The following GPATCH1 variants were observed in gnomAD, a reference collection of about 807,000 sequenced individuals.
GPATCH1 encodes G-patch domain containing 1, also known as G patch domain-containing protein 1.
In GPATCH1, 73 loss-of-function variants were observed where a neutral mutation model predicts 114.9. That is an observed-to-expected ratio of 0.64 (90% confidence interval 0.53 to 0.77). The LOEUF (loss-of-function observed/expected upper bound fraction) is 0.77, where lower values mean the gene tolerates loss of function less well. GPATCH1 is among the 30% of genes least tolerant of loss of function. The probability of loss-of-function intolerance (pLI) is 0.00; values close to 1 mark genes in which losing one functional copy is unlikely to be tolerated. For missense variants in GPATCH1, 1,058 were observed against 1,144.3 expected (o/e 0.92, Z 1.09); for synonymous variants, 391 against 428.4 (o/e 0.91, Z 1.08).
At chr19:33,112,029 G>GCACA in intron 12 of GPATCH1, 127 bp downstream of exon 12, 1 of 661,122 alleles carries the variant, frequency 1.5e-6, no homozygotes, top group Non-Finnish European at 2.5e-6. Context: ...GCAGTGGTGT[G>GCACA]ATCTCGGCTC....
intron 1 of GPATCH1, among the ~76,000 whole-genome samples, chr19:33,087,095 G>T (rs1007356033): frequency 6.6e-6 from 1 of 152,068 alleles, no homozygotes; most frequent in African/African-American, 2.4e-5. Flanking sequence ...CTATTTTACA[G>T]ATAAGTAAAT....
chr19:33,081,743 G>C (rs2145294314), intron 1 of GPATCH1, among the ~76,000 whole-genome samples: 1 of 152,286 alleles, frequency 6.6e-6, no homozygotes, highest in East Asian at 1.9e-4. Context: ...CAGCGGGGGA[G>C]ACAGGTAGAA....
chr19:33,093,170 A>G (rs564276284), intron 3 of GPATCH1, among the ~76,000 whole-genome samples, 189 bp from the exon 4 acceptor site: 1 of 152,286 alleles, frequency 6.6e-6, no homozygotes, highest in African/African-American at 2.4e-5. Context: ...CCTGGGCAAC[A>G]AGAGAGAAAC....
At chr19:33,113,641 G>A (rs938647839) in intron 13 of GPATCH1, 126 bp from the exon 14 acceptor site, 7 of 704,500 alleles carry the variant, frequency 9.9e-6, no homozygotes, top group Non-Finnish European at 1.7e-5. Flanking sequence ...GCTTTGAGAA[G>A]TGAAAGCATC....
At position 33,110,113 on chromosome 19, in the gene GPATCH1, G is replaced by T. The variant is rs1323785457; in HGVS notation, c.1585+97G>T. ...CCCATATTTACAGTTGAGGTATCCT[G>T]TTCTGTCAGTGTTTTTGCTTTATCC... On this transcript the variant is annotated intron_variant, in intron 11 of 19. Transcript: ENST00000170564. 3.7e-6 allele frequency: 4 copies of T among 1,083,102 alleles called. No homozygotes were observed. In the East Asian group the frequency reaches 7.5e-5, roughly 20 times the overall value. The allele number at this position is 1,083,102 out of a possible 1,614,324, so 67.1% of individuals were successfully genotyped here.
chr19:33,111,477 G>A (rs567769707), intron 11 of GPATCH1, among the ~76,000 whole-genome samples: 2 of 151,594 alleles, frequency 1.3e-5, no homozygotes, highest in South Asian at 2.1e-4. Flanking sequence ...CACCCGCCTC[G>A]GCCTCCCAAA....
intron 17 of GPATCH1, 42 bp downstream of exon 17, chr19:33,119,159 G>T: frequency 1.8e-6 from 2 of 1,102,306 alleles, no homozygotes; most frequent in Non-Finnish European, 1.3e-6. Context: ...TTATCAGTGT[G>T]TGATTGCCCT....
chr19:33,127,465 G>A (rs577222188), intron 19 of GPATCH1, among the ~76,000 whole-genome samples: 7 of 150,270 alleles, frequency 4.7e-5, no homozygotes, highest in East Asian at 4.0e-4. Flanking sequence ...GCAGTGAGCC[G>A]AGATTGTGCC....
At chr19:33,110,626 C>T (rs1169563536) in intron 11 of GPATCH1, among the ~76,000 whole-genome samples, 1 of 151,208 alleles carries the variant, frequency 6.6e-6, no homozygotes, top group Non-Finnish European at 1.5e-5. Flanking sequence ...CTACTAAGAA[C>T]CTACATCACT....
chr19:33,093,818 C>T (rs1480608713), intron 4 of GPATCH1, among the ~76,000 whole-genome samples: 2 of 152,188 alleles, frequency 1.3e-5, no homozygotes, highest in African/African-American at 4.8e-5. Context: ...CCTCCTTCTA[C>T]CCTCACTTTC....
At chr19:33,082,576 G>A (rs1423001477) in intron 1 of GPATCH1, among the ~76,000 whole-genome samples, 3 of 152,144 alleles carry the variant, frequency 2.0e-5, no homozygotes, top group Non-Finnish European at 4.4e-5. Context: ...AGGCACAGTG[G>A]TTCACACCTG....
chr19:33,090,542 C>G (rs1972582596), intron 2 of GPATCH1, among the ~76,000 whole-genome samples: 1 of 152,080 alleles, frequency 6.6e-6, no homozygotes, highest in South Asian at 2.1e-4. Flanking sequence ...TTCTATATCT[C>G]TTGGTTTCAC....
chr19:33,109,923 T>A lies in GPATCH1; in HGVS notation c.1492T>A (p.Leu498Ile). Reference sequence around the variant, plus strand: ...GGCATTAGGTGGTGGGACGGCCACCTTAAAAGCCAGCAACTTCAAGCCTTT... The same window carrying A: ...GGCATTAGGTGGTGGGACGGCCACCATAAAAGCCAGCAACTTCAAGCCTTT... Reference protein sequence around the residue: ...NMALGGGTATLKASNFKPFAK... With the variant: ...NMALGGGTATIKASNFKPFAK... Residue 498 changes from leucine (L) to isoleucine (I), a missense_variant, in exon 11 of 20, where the codon TTA becomes ATA. Coordinates refer to ENST00000170564, the MANE Select transcript of GPATCH1 (RefSeq NM_018025.3). 6.2e-7 allele frequency: 1 copy of A among 1,614,178 alleles called. No individual in the cohort carries two copies. The highest frequency in any genetic ancestry group is 8.5e-7 in the Non-Finnish European group (1 of 1,180,026).
At chr19:33,094,607 G>GC (rs1972634768) in intron 5 of GPATCH1, among the ~76,000 whole-genome samples, 1 of 152,160 alleles carries the variant, frequency 6.6e-6, no homozygotes, top group Non-Finnish European at 1.5e-5. Flanking sequence ...GGCTTTTTAT[G>GC]TGTAATGCAT....
At chr19:33,088,501 G>T (rs1335030349) in intron 2 of GPATCH1, among the ~76,000 whole-genome samples, 4 of 150,882 alleles carry the variant, frequency 2.7e-5, no homozygotes, top group Non-Finnish European at 4.4e-5. Flanking sequence ...ATGCCACTAT[G>T]CCTGGCTAAT....
At chr19:33,107,686 G>A (rs539702737) in intron 10 of GPATCH1, among the ~76,000 whole-genome samples, 2 of 152,210 alleles carry the variant, frequency 1.3e-5, no homozygotes, top group South Asian at 4.1e-4. Flanking sequence ...GAACTCAATA[G>A]GTGTCTCGTA....
chr19:33,112,241 C>G lies in GPATCH1; in HGVS notation c.1765-245C>G, dbSNP rs575025208. Among the ~76,000 whole-genome samples the G allele has an allele frequency of 2.0e-5, 3 of 152,304 alleles. No homozygotes were observed. In the South Asian group the frequency reaches 6.2e-4, roughly 32 times the overall value. Reference sequence around the variant, plus strand: ...TCGGCCTCTCAAAGTACTAGGATTACAGGCATGAGCCACCATGCCCGGCCG... The same window carrying G: ...TCGGCCTCTCAAAGTACTAGGATTAGAGGCATGAGCCACCATGCCCGGCCG... On this transcript the variant is annotated intron_variant, in intron 12 of 19. Transcript: ENST00000170564.
intron 16 of GPATCH1, 135 bp downstream of exon 16, chr19:33,118,176 AT>A (rs35859593): frequency 0.14 from 37,413 of 276,034 alleles, 462 homozygotes; most frequent in African/African-American, 0.18. Flanking sequence ...TATGTATATA[AT>A]TTTTTTTTTT....
intron 7 of GPATCH1, among the ~76,000 whole-genome samples, chr19:33,096,932 T>TTTTC (rs990120709): frequency 1.4e-4 from 20 of 140,064 alleles, no homozygotes; most frequent in Admixed American, 2.2e-4. Context: ...CCTGGCCACC[T>TTTTC]TTTCTTTCTT....
Sources: gnomAD v4.1 joint callset for allele counts (sites outside exome capture counted in the v4.1 genomes callset) on GRCh38, gnomAD v4.1.1 for gene constraint, MANE v1.5 for transcripts, NCBI Gene and HGNC (gene_info 2026-07-23, HGNC 2026-07-21) for gene names.